PLA2G4A: variants seen among roughly 807,000 people sequenced by gnomAD.
The protein encoded by PLA2G4A is phospholipase A2 group IVA.
Under a neutral mutation model 81.9 loss-of-function variants are expected in PLA2G4A, and 40 were observed. The observed-to-expected ratio is 0.49, with a 90% CI of 0.38 to 0.64. The LOEUF is 0.64. Among genes scored for constraint, PLA2G4A ranks in the 30% least tolerant of loss-of-function variants. The pLI, the probability that PLA2G4A is intolerant of heterozygous loss-of-function variation, is 0.00. For synonymous variants in PLA2G4A, 302 were observed against 296.9 expected (o/e 1.02, Z -0.18); for missense variants, 715 against 905.1 (o/e 0.79, Z 2.69).
At chr1:186,906,611 A>G (rs900525485) in intron 5 of PLA2G4A, among the ~76,000 whole-genome samples, 4 of 152,218 alleles carry the variant, frequency 2.6e-5, no homozygotes, top group African/African-American at 9.7e-5. Context: ...CTCCTAAATA[A>G]TAGACACAAC....
chr1:186,958,541 AG>A (rs1656836213), intron 14 of PLA2G4A, among the ~76,000 whole-genome samples: 1 of 152,198 alleles, frequency 6.6e-6, no homozygotes, highest in African/African-American at 2.4e-5. Flanking sequence ...CGAAGATCAA[AG>A]GAGATAATTC....
chr1:186,910,691 C>G (rs899289831), intron 6 of PLA2G4A, among the ~76,000 whole-genome samples: 3 of 152,286 alleles, frequency 2.0e-5, no homozygotes, highest in East Asian at 3.9e-4. Flanking sequence ...CTAAAGTCCT[C>G]TAGTGGTAAA....
intron 1 of PLA2G4A, among the ~76,000 whole-genome samples, chr1:186,839,073 A>T (rs1254328089): frequency 6.6e-6 from 1 of 150,928 alleles, no homozygotes; most frequent in Middle Eastern, 3.2e-3. Flanking sequence ...TTAAAAAAAC[A>T]TTTTAAAATT....
In PLA2G4A at chr1:186,939,221, A is replaced by G. The variant is rs1656058975; in HGVS notation, c.909A>G (p.Leu303=). 4 of 1,497,788 alleles carry G rather than the reference A, an allele frequency of 2.7e-6. No homozygotes were observed. Among genetic ancestry groups the G allele is most frequent in the Non-Finnish European group, 3.7e-6 (4 of 1,074,568 alleles). The allele number at this position is 1,497,788 out of a possible 1,614,324, so 92.8% of individuals were successfully genotyped here. ...DIFGMLIGET[L]IHNRMNTTLS... Reference sequence around the variant, plus strand: ...TTGGGATGTTAATAGGAGAAACACTAATTCATAATGTAAGTTACAGTTCAA... The same window carrying G: ...TTGGGATGTTAATAGGAGAAACACTGATTCATAATGTAAGTTACAGTTCAA... Residue 303 remains leucine (L), a synonymous_variant, in exon 9 of 18, where the codon CTA becomes CTG. Coordinates refer to ENST00000367466, the MANE Select transcript of PLA2G4A (RefSeq NM_024420.3).
intron 17 of PLA2G4A, among the ~76,000 whole-genome samples, chr1:186,985,702 T>A (rs2102308040): frequency 6.6e-6 from 1 of 152,220 alleles, no homozygotes; most frequent in East Asian, 1.9e-4. Context: ...GGTTCAACAA[T>A]AGGAGGCTAC....
At chr1:186,918,027 C>A (rs1208041237) in intron 7 of PLA2G4A, among the ~76,000 whole-genome samples, 4 of 152,218 alleles carry the variant, frequency 2.6e-5, no homozygotes, top group African/African-American at 9.6e-5. Context: ...CCAGCAACTG[C>A]AGCACAGCTA....
At chr1:186,972,130 C>T (rs1270613384) in intron 15 of PLA2G4A, among the ~76,000 whole-genome samples, 1 of 151,968 alleles carries the variant, frequency 6.6e-6, no homozygotes, top group Non-Finnish European at 1.5e-5. Flanking sequence ...TTGTAACTGG[C>T]CTTGAAAGTT....
At chr1:186,978,917 G>A (rs1488370017) in intron 16 of PLA2G4A, among the ~76,000 whole-genome samples, 4 of 152,192 alleles carry the variant, frequency 2.6e-5, no homozygotes, top group African/African-American at 9.6e-5. Flanking sequence ...CTACAAAATG[G>A]AATAGACCTG....
intron 14 of PLA2G4A, 106 bp from the exon 15 acceptor site, chr1:186,965,303 G>A: frequency 1.2e-6 from 1 of 820,616 alleles, no homozygotes; most frequent in South Asian, 1.5e-5. Context: ...AAGCCTGAGG[G>A]CCTAATCATA....
At chr1:186,903,564 G>A (rs528506888) in intron 5 of PLA2G4A, among the ~76,000 whole-genome samples, 5 of 152,188 alleles carry the variant, frequency 3.3e-5, no homozygotes, top group Non-Finnish European at 5.9e-5. Flanking sequence ...TTGCTGCTCC[G>A]CCTCCTGTAA....
chr1:186,931,227 G>T (rs563037882), intron 7 of PLA2G4A, among the ~76,000 whole-genome samples: 2 of 152,054 alleles, frequency 1.3e-5, no homozygotes, highest in South Asian at 4.2e-4. Flanking sequence ...TCTATATAAA[G>T]ATACATAAAG....
intron 17 of PLA2G4A, 142 bp downstream of exon 17, chr1:186,979,614 A>G (rs1657651006): frequency 1.5e-6 from 1 of 647,412 alleles, no homozygotes; most frequent in Non-Finnish European, 2.7e-6. Flanking sequence ...TTTTCATGAA[A>G]TATTTTGCTA....
intron 15 of PLA2G4A, among the ~76,000 whole-genome samples, chr1:186,971,249 A>G (rs961865477): frequency 7.9e-5 from 12 of 151,834 alleles, no homozygotes; most frequent in Middle Eastern, 3.4e-3. Flanking sequence ...CCATCTGACA[A>G]TCTTGCAGTT....
chr1:186,855,301 T>C (rs1455799862), intron 2 of PLA2G4A, among the ~76,000 whole-genome samples: 1 of 152,030 alleles, frequency 6.6e-6, no homozygotes, highest in Non-Finnish European at 1.5e-5. Context: ...TACTGTTTTC[T>C]TGAAACTCTT....
At chr1:186,906,853 TG>T (rs1654755551) in intron 5 of PLA2G4A, 111 bp from the exon 6 acceptor site, 2 of 652,044 alleles carry the variant, frequency 3.1e-6, no homozygotes, top group Non-Finnish European at 5.5e-6. Flanking sequence ...TTTAGGGTTT[TG>T]TTTTTTTGAT....
intron 13 of PLA2G4A, among the ~76,000 whole-genome samples, chr1:186,955,318 G>A (rs1656706871): frequency 6.6e-6 from 1 of 152,034 alleles, no homozygotes; most frequent in Non-Finnish European, 1.5e-5. Context: ...AATATATGTT[G>A]AATCCTTTAG....
chr1:186,931,545 T>G (rs1186623319), intron 7 of PLA2G4A, among the ~76,000 whole-genome samples: 1 of 149,660 alleles, frequency 6.7e-6, no homozygotes, highest in Non-Finnish European at 1.5e-5. Flanking sequence ...TTATTATTAT[T>G]ATTATTATTA....
intron 7 of PLA2G4A, among the ~76,000 whole-genome samples, chr1:186,921,221 G>A (rs1470811549): frequency 6.6e-6 from 1 of 152,084 alleles, no homozygotes; most frequent in Non-Finnish European, 1.5e-5. Flanking sequence ...ACATATTCTT[G>A]GGGGTTTTGG....
intron 7 of PLA2G4A, among the ~76,000 whole-genome samples, chr1:186,919,401 T>C (rs1274525088): frequency 2.0e-5 from 3 of 152,178 alleles, no homozygotes; most frequent in Non-Finnish European, 2.9e-5. Flanking sequence ...TCTGCAGATA[T>C]GAGCTTTCTT....
Sources: gnomAD v4.1 joint callset for allele counts (sites outside exome capture counted in the v4.1 genomes callset) on GRCh38, gnomAD v4.1.1 for gene constraint, MANE v1.5 for transcripts, NCBI Gene and HGNC (gene_info 2026-07-23, HGNC 2026-07-21) for gene names.